Variants in USP16 observed in about 807,000 individuals in gnomAD.
USP16 encodes the protein ubiquitin carboxyl-terminal hydrolase 16.
A neutral mutation model predicts 95.9 loss-of-function variants in USP16; 77 were observed. The ratio of observed to expected loss-of-function variants is 0.80; its 90% CI spans 0.67 to 0.97. The LOEUF (loss-of-function observed/expected upper bound fraction) is 0.97, where lower values mean the gene tolerates loss of function less well. USP16 is among the 50% of genes least tolerant of loss of function. USP16 has a pLI of 0.00. For missense variants in USP16, 943 were observed against 959.9 expected, an observed-to-expected ratio of 0.98 and a Z score of 0.23; for synonymous variants, 303 against 318.2, an observed-to-expected ratio of 0.95 and a Z score of 0.51.
At chr21:29,032,307 C>T (rs1486632078) in intron 3 of USP16, among the ~76,000 whole-genome samples, 1 of 152,142 alleles carries the variant, frequency 6.6e-6, no homozygotes, top group Non-Finnish European at 1.5e-5. Flanking sequence ...TCACGGCTCA[C>T]GGCAGCCTTC....
chr21:29,043,684 A>G, intron 13 of USP16, 85 bp downstream of exon 13: 1 of 1,241,986 alleles, frequency 8.1e-7, no homozygotes, highest in Non-Finnish European at 1.1e-6. Flanking sequence ...TTGGTTAGAC[A>G]TGTCTGTTAT....
chr21:29,047,083 T>C lies in USP16; in HGVS notation c.1773T>C (p.Asn591=), dbSNP rs2085337253. Residue 591 remains asparagine (N), a synonymous_variant, in exon 14 of 18, where the codon AAT becomes AAC. Coordinates refer to ENST00000399976, the MANE Select transcript of USP16 (RefSeq NM_006447.3). ...CTGCTCTTCATCCTGATGAAATAAATATAGAGATTCTGAATGATAGTCATA... is the reference window on the plus strand; with the variant it reads ...CTGCTCTTCATCCTGATGAAATAAACATAGAGATTCTGAATGATAGTCATA... ...LNAALHPDEI[N]IEILNDSHTP... is the part of the protein sequence containing the mutation. 6.2e-7 allele frequency: 1 copy of C among 1,614,060 alleles called. No homozygotes were observed. Among genetic ancestry groups the C allele is most frequent in the Admixed American group, 1.7e-5 (1 of 60,020 alleles).
At chr21:29,038,476 G>A in intron 7 of USP16, 46 bp downstream of exon 7, 2 of 1,329,398 alleles carry the variant, frequency 1.5e-6, no homozygotes, top group East Asian at 2.3e-5. Context: ...CTCTCTGAAT[G>A]TGTGTTTTCT....
At position 29,046,821 on chromosome 21, in the gene USP16, T is replaced by C. The variant is rs1345217676; in HGVS notation, c.1511T>C (p.Met504Thr). 1 of 1,614,156 alleles carries C rather than the reference T, an allele frequency of 6.2e-7. No individual in the cohort carries two copies. Among genetic ancestry groups the C allele is most frequent in the African/African-American group, 1.3e-5 (1 of 75,048 alleles). ...AACCATATTTCACAAGAGGGTGTTATGCATAAAGAATATTGTGTCAACCAG... is the reference window on the plus strand; with the variant it reads ...AACCATATTTCACAAGAGGGTGTTACGCATAAAGAATATTGTGTCAACCAG... ...KSNHISQEGV[M>T]HKEYCVNQKD... Residue 504 changes from methionine to threonine, a missense_variant, in exon 14 of 18, where the codon ATG (methionine) becomes ACG (threonine). Met to Thr is a moderately conservative substitution (Grantham distance 81, BLOSUM62 -1). Coordinates refer to ENST00000399976, the MANE Select transcript of USP16 (RefSeq NM_006447.3).
rs2085462089 is a variant in USP16, at chr21:29,054,260, C to T, written c.*73C>T. ...TGGCTGAAATAACGATAAAAAAAGACTAATTAAAATCATGTTCACTTAACA... is the reference window on the plus strand; with the variant it reads ...TGGCTGAAATAACGATAAAAAAAGATTAATTAAAATCATGTTCACTTAACA... On this transcript the variant is annotated 3_prime_UTR_variant, in exon 18 of 18. Transcript: ENST00000399976. The T allele has an allele frequency of 4.0e-6, 6 of 1,508,908 alleles. No individual in the cohort carries two copies. The highest frequency in any genetic ancestry group is 5.4e-6 in the Non-Finnish European group (6 of 1,106,446). The allele number at this position is 1,508,908 out of a possible 1,614,324, so 93.5% of individuals were successfully genotyped here. A position where few individuals can be genotyped will look rare whatever the true frequency, so the allele number is the denominator to read the frequency against.
intron 13 of USP16, among the ~76,000 whole-genome samples, chr21:29,043,868 ATAT>A (rs1303565365): frequency 1.3e-5 from 2 of 152,130 alleles, no homozygotes; most frequent in African/African-American, 2.4e-5. Context: ...TTTCGAGTTA[ATAT>A]TATTGACATC....
intron 1 of USP16, among the ~76,000 whole-genome samples, chr21:29,025,536 T>G (rs1012863313): frequency 1.3e-5 from 2 of 152,232 alleles, no homozygotes; most frequent in Admixed American, 6.5e-5. Context: ...TGAGGCTCTT[T>G]CCGCAGCACT....
chr21:29,030,738 C>A lies in USP16; in HGVS notation c.205C>A (p.Pro69Thr), dbSNP rs142950514. 2 of 1,612,478 alleles carry A rather than the reference C, an allele frequency of 1.2e-6. No individual in the cohort carries two copies. The highest frequency in any genetic ancestry group is 4.5e-5 in the East Asian group (2 of 44,810). ...DKAEEETEEK[P>T]SVWLCLKCGH... ...AGCTGAAGAAGAAACAGAAGAAAAG[C>A]CTTCAGTTTGGCTGTGTCTTAAATG... Residue 69 changes from proline to threonine, a missense_variant, in exon 3 of 18, where the codon CCT (proline) becomes ACT (threonine). Pro to Thr is a conservative substitution (Grantham distance 38, BLOSUM62 -1). Coordinates refer to ENST00000399976, the MANE Select transcript of USP16 (RefSeq NM_006447.3).
In USP16 at chr21:29,035,114, G is replaced by A. The variant is rs187155386; in HGVS notation, c.344+174G>A. Among the ~76,000 whole-genome samples the A allele has an allele frequency of 2.3e-3, 346 of 152,246 alleles. 1 individual carries two copies. The highest frequency in any genetic ancestry group is 7.9e-3 in the African/African-American group (329 of 41,546). On this transcript the variant is annotated intron_variant, in intron 4 of 17. Coordinates refer to ENST00000399976, the MANE Select transcript of USP16 (RefSeq NM_006447.3). ...TATTATGAGAAGCTTTTACTTGGACGTTTGCACAAGCACAAACATTGTAAC... is the reference window on the plus strand; with the variant it reads ...TATTATGAGAAGCTTTTACTTGGACATTTGCACAAGCACAAACATTGTAAC...
At position 29,042,507 on chromosome 21, in the gene USP16, C is replaced by T; in HGVS notation, c.1158C>T (p.Ser386=). 3 of 1,600,830 alleles carry T rather than the reference C, an allele frequency of 1.9e-6. No individual in the cohort carries two copies. Among genetic ancestry groups the T allele is most frequent in the South Asian group, 1.1e-5 (1 of 88,164 alleles). ...TTCATGAATCTTTCCTTGATTTGTC[C>T]CTCCCAGTTTTAGATGATCAGGTAA... ...SLVHESFLDL[S]LPVLDDQSGK... Residue 386 remains serine (S), a synonymous_variant, in exon 12 of 18, where the codon TCC becomes TCT. Coordinates refer to ENST00000399976, the MANE Select transcript of USP16 (RefSeq NM_006447.3).
In USP16 at chr21:29,042,450, C is replaced by G. The variant is rs200481781; in HGVS notation, c.1123-22C>G. ...CATTTACAGTATTTACATTTTTACA[C>G]TGTCTTTTCTGATTGGTTAAGGTCT... On this transcript the variant is annotated intron_variant, in intron 11 of 17. Coordinates refer to ENST00000399976, the MANE Select transcript of USP16 (RefSeq NM_006447.3). 6 of 1,598,286 alleles carry G rather than the reference C, an allele frequency of 3.8e-6. No homozygotes were observed. In the Admixed American group the frequency reaches 1.1e-4, roughly 28 times the overall value.
chr21:29,046,654 AC>A lies in USP16; in HGVS notation c.1357-12del. ...TTTTCTTTATTTTTTGATGCCGTAT[AC>A]TTTTTACCCAGAACCAACGAAGACA... On this transcript the variant is annotated splice_polypyrimidine_tract_variant and intron_variant, in intron 13 of 17. Transcript: ENST00000399976. The A allele has an allele frequency of 6.3e-7, 1 of 1,581,524 alleles. No homozygotes were observed. Among genetic ancestry groups the A allele is most frequent in the East Asian group, 2.2e-5 (1 of 44,556 alleles).
At chr21:29,030,252 C>T (rs191298524) in intron 2 of USP16, among the ~76,000 whole-genome samples, 5 of 151,732 alleles carry the variant, frequency 3.3e-5, no homozygotes, top group African/African-American at 1.2e-4. Flanking sequence ...AAATGAAGGA[C>T]GTTTTCTACA....
At chr21:29,051,516 G>C (rs892166749) in intron 16 of USP16, among the ~76,000 whole-genome samples, 3 of 152,166 alleles carry the variant, frequency 2.0e-5, no homozygotes, top group Non-Finnish European at 4.4e-5. Context: ...CACCACAAAG[G>C]ATCTCAAAGA....
chr21:29,027,771 T>G, intron 1 of USP16, 102 bp from the exon 2 acceptor site: 2 of 761,206 alleles, frequency 2.6e-6, no homozygotes, highest in South Asian at 3.0e-5. Flanking sequence ...TACAATGTGA[T>G]AGACATGCAT....
rs533110138 is a variant in USP16, at chr21:29,042,585, G to T, written c.1179+57G>T. 14 of 1,479,416 alleles carry T rather than the reference G, an allele frequency of 9.5e-6. No homozygotes were observed. The Admixed American group carries it at 2.0e-4, about 21-fold the overall frequency. The allele number at this position is 1,479,416 out of a possible 1,614,324, so 91.6% of individuals were successfully genotyped here. On this transcript the variant is annotated intron_variant, in intron 12 of 17. Coordinates refer to ENST00000399976, the MANE Select transcript of USP16 (RefSeq NM_006447.3). The stretch of plus-strand genomic sequence containing the variant: ...GATTTTTTTTCCTGTAAGATTTTGT[G>T]GGGGGAAGCCTTGTTACTCTTTTTA...
intron 16 of USP16, among the ~76,000 whole-genome samples, chr21:29,051,937 T>C (rs2085421357): frequency 6.6e-6 from 1 of 152,088 alleles, no homozygotes. Flanking sequence ...ACAAGGTACA[T>C]GATCATTTAT....
chr21:29,024,816 CT>C (rs900029547), intron 1 of USP16, 39 bp downstream of exon 1: 40 of 1,252,984 alleles, frequency 3.2e-5, no homozygotes, highest in Non-Finnish European at 4.0e-5. Flanking sequence ...CGTCGCTCGC[CT>C]GGCTTTCTGC....
rs777128671 is a variant in USP16, at chr21:29,030,825, T to TA, written c.240+53dup. The TA allele has an allele frequency of 3.9e-6, 6 of 1,548,538 alleles. No homozygotes were observed. In the South Asian group the frequency reaches 7.6e-5, roughly 20 times the overall value. On this transcript the variant is annotated intron_variant, in intron 3 of 17. Transcript: ENST00000399976. ...GGGATTTTAGAAAACTCTTTGAACT[T>TA]ACTTTAGAAGGTATTACCTGAAAGT... is the stretch of plus-strand genomic sequence containing the variant.
Sources: allele counts gnomAD v4.1 joint callset (sites outside exome capture counted in the v4.1 genomes callset), GRCh38; gene constraint gnomAD v4.1.1; transcripts MANE v1.5; gene names NCBI Gene and HGNC (gene_info 2026-07-23, HGNC 2026-07-21).